CASS4: variants seen among roughly 807,000 people sequenced by gnomAD.
The protein encoded by CASS4 is cas scaffolding protein family member 4.
A neutral mutation model predicts 54.2 loss-of-function variants in CASS4; 22 were observed. The observed-to-expected ratio is 0.41, with a 90% CI of 0.29 to 0.58. CASS4 has a LOEUF of 0.58. Ranked by LOEUF, CASS4 falls within the 20% of genes least tolerant of loss-of-function variation. The probability of loss-of-function intolerance (pLI) is 0.36; values close to 1 mark genes in which losing one functional copy is unlikely to be tolerated. For synonymous variants in CASS4, 409 were observed against 391.5 expected (o/e 1.04, Z -0.53); for missense variants, 854 against 986.7 (o/e 0.87, Z 1.80).
chr20:56,445,643 C>T (rs2146289124), intron 2 of CASS4, among the ~76,000 whole-genome samples: 1 of 152,284 alleles, frequency 6.6e-6, no homozygotes, highest in Non-Finnish European at 1.5e-5. Flanking sequence ...TCATGTTAAC[C>T]TGCTTCAGGT....
chr20:56,424,371 A>G lies in CASS4; in HGVS notation c.36+11877A>G, dbSNP rs189899388. On this transcript the variant is annotated intron_variant, in intron 1 of 5. Transcript: ENST00000679887. The stretch of plus-strand genomic sequence containing the variant: ...CTATTTTAAGTGACAATTCCTCATA[A>G]CTTAAGGAATTTTACTTTTAAATGT... Among the ~76,000 whole-genome samples the G allele has an allele frequency of 1.7e-4, 26 of 152,292 alleles. No individual in the cohort carries two copies. In the East Asian group the frequency reaches 4.6e-3, roughly 27 times the overall value.
rs1221155235 is a variant in CASS4 at position 56,452,999 on chromosome 20, G to A, written c.1823G>A (p.Cys608Tyr). 6 of 1,613,924 alleles carry A rather than the reference G, an allele frequency of 3.7e-6. No homozygotes were observed. Among genetic ancestry groups the A allele is most frequent in the Non-Finnish European group, 5.1e-6 (6 of 1,180,018 alleles). ...VQLTPNAEFK[C>Y]EKYIQPPQRE... ...TTGACCCCAAATGCAGAATTTAAGT[G>A]TGAAAAATACATCCAGCCTCCCCAA... The change falls in exon 5 of 6, where the codon TGT (cysteine) becomes TAT (tyrosine). Residue 608 changes from cysteine (C) to tyrosine (Y), a missense_variant. Physicochemically the swap from Cys to Tyr is radical, Grantham distance 194 (BLOSUM62 -2). Coordinates refer to ENST00000679887, the MANE Select transcript of CASS4 (RefSeq NM_020356.4).
intron 5 of CASS4, 117 bp from the exon 6 acceptor site, chr20:56,458,223 A>G: frequency 2.0e-6 from 2 of 1,021,736 alleles, no homozygotes; most frequent in Non-Finnish European, 2.8e-6. Flanking sequence ...CCCAAACCAA[A>G]CCATGCTTTT....
chr20:56,454,302 T>C (rs567280297), intron 5 of CASS4, among the ~76,000 whole-genome samples: 11 of 152,368 alleles, frequency 7.2e-5, no homozygotes, highest in African/African-American at 2.4e-4. Context: ...CAGAAGTCAC[T>C]TGGGGGCTGT....
At chr20:56,450,826 G>A in intron 4 of CASS4, 147 bp downstream of exon 4, 1 of 658,676 alleles carries the variant, frequency 1.5e-6, no homozygotes, top group South Asian at 1.7e-5. Context: ...CTGAGGTTGG[G>A]AGTTCAAGAC....
intron 1 of CASS4, among the ~76,000 whole-genome samples, chr20:56,423,017 C>G (rs973535440): frequency 6.6e-6 from 1 of 152,174 alleles, no homozygotes. Context: ...CCAGCCCATC[C>G]TTCCCCATGG....
chr20:56,452,320 T>C lies in CASS4; in HGVS notation c.1144T>C (p.Ser382Pro), dbSNP rs372419278. 2.5e-6 allele frequency: 4 copies of C among 1,613,888 alleles called. No homozygotes were observed. The highest frequency in any genetic ancestry group is 3.4e-6 in the Non-Finnish European group (4 of 1,180,018). The change falls in exon 5 of 6, where the codon TCA becomes CCA. Residue 382 changes from serine to proline, a missense_variant. By Grantham distance (74) the Ser-to-Pro change is moderately conservative. Coordinates refer to ENST00000679887, the MANE Select transcript of CASS4 (RefSeq NM_020356.4). Reference protein sequence around the residue: ...VSENSAGHNSSWFSRRTTSPS... With the variant: ...VSENSAGHNSPWFSRRTTSPS... ...AGAGAATTCCGCGGGCCATAATTCC[T>C]CATGGTTCTCCAGACGGACAACTTC...
Position 56,437,372 on chromosome 20 carries a change from C to A in CASS4, c.245C>A (p.Pro82Gln), listed in dbSNP as rs749520065. ...TEVAADRPCP[P>Q]FLRGLEEAPA... Reference sequence around the variant, plus strand: ...GTCGCTGCAGACAGGCCGTGCCCCCCATTCCTGAGAGGCCTGGAAGAAGCT... The same window carrying A: ...GTCGCTGCAGACAGGCCGTGCCCCCAATTCCTGAGAGGCCTGGAAGAAGCT... Residue 82 changes from proline to glutamine, a missense_variant, in exon 2 of 6, where the codon CCA becomes CAA. Coordinates refer to ENST00000679887, the MANE Select transcript of CASS4 (RefSeq NM_020356.4). The surrounding 1 kb of genome is among the most constrained non-coding windows in gnomAD (Gnocchi z 4.7). The A allele has an allele frequency of 2.5e-6, 4 of 1,614,118 alleles. No individual in the cohort carries two copies. Among genetic ancestry groups the A allele is most frequent in the African/African-American group, 2.7e-5 (2 of 75,058 alleles).
chr20:56,445,110 CAA>C (rs112103060), intron 2 of CASS4, among the ~76,000 whole-genome samples: 4 of 141,168 alleles, frequency 2.8e-5, no homozygotes, highest in African/African-American at 7.7e-5. Context: ...AGATCCATCT[CAA>C]AAAAAAAAAA....
chr20:56,449,385 C>T (rs1018591240), intron 3 of CASS4, among the ~76,000 whole-genome samples: 4 of 151,984 alleles, frequency 2.6e-5, no homozygotes. Context: ...CGCATGTTCT[C>T]ACTCACAGGT....
At chr20:56,458,235 T>TAA in intron 5 of CASS4, 105 bp from the exon 6 acceptor site, 1 of 1,158,514 alleles carries the variant, frequency 8.6e-7, no homozygotes. Context: ...CATGCTTTTT[T>TAA]AAAAAAAATA....
intron 1 of CASS4, among the ~76,000 whole-genome samples, chr20:56,421,869 A>T (rs1028660021): frequency 1.3e-5 from 2 of 152,210 alleles, no homozygotes; most frequent in Admixed American, 1.3e-4. Flanking sequence ...AAGGAAAGGA[A>T]GTTAGAGAGA....
At chr20:56,431,034 A>G (rs1036581991) in intron 1 of CASS4, among the ~76,000 whole-genome samples, 1 of 152,226 alleles carries the variant, frequency 6.6e-6, no homozygotes, top group African/African-American at 2.4e-5. Context: ...TTTTATGTGT[A>G]TAAAATAAAA....
intron 2 of CASS4, among the ~76,000 whole-genome samples, chr20:56,441,150 G>A (rs1039705098): frequency 2.7e-5 from 4 of 149,154 alleles, no homozygotes; most frequent in African/African-American, 7.6e-5. Context: ...CACCACGCCT[G>A]GCTAAATTTT....
chr20:56,453,585 AC>A (rs1193576631), intron 5 of CASS4: 1 of 155,702 alleles, frequency 6.4e-6, no homozygotes, highest in Non-Finnish European at 1.4e-5. Flanking sequence ...GACTTCAGCT[AC>A]TCTTAGAAAT....
intron 1 of CASS4, among the ~76,000 whole-genome samples, chr20:56,413,906 A>T (rs2146258818): frequency 6.6e-6 from 1 of 152,176 alleles, no homozygotes; most frequent in South Asian, 2.1e-4. Context: ...GTACTTTGTC[A>T]TATTTGTGTG....
rs1488696276 is a variant in CASS4 at position 56,459,047 on chromosome 20, G to A, written c.*300G>A. 1.4e-5 allele frequency: 4 copies of A among 292,602 alleles called. No homozygotes were observed. Among genetic ancestry groups the A allele is most frequent in the Non-Finnish European group, 2.6e-5 (4 of 156,194 alleles). The allele number at this position is 292,602 out of a possible 1,614,324, so 18.1% of individuals were successfully genotyped here. On this transcript the variant is annotated 3_prime_UTR_variant, in exon 6 of 6. Coordinates refer to ENST00000679887, the MANE Select transcript of CASS4 (RefSeq NM_020356.4). Reference sequence around the variant, plus strand: ...ATAATATTTTATATTGATTAAATGTGTGCATGTTTTGTTTGTTTTTTGAGA... The same window carrying A: ...ATAATATTTTATATTGATTAAATGTATGCATGTTTTGTTTGTTTTTTGAGA...
chr20:56,446,752 C>G (rs1271464718), intron 3 of CASS4, among the ~76,000 whole-genome samples: 1 of 152,048 alleles, frequency 6.6e-6, no homozygotes, highest in East Asian at 1.9e-4. Flanking sequence ...TGCCTGTGCC[C>G]CAACCCCAGA....
In CASS4 at chr20:56,438,283, G is replaced by A. The variant is rs976924749; in HGVS notation, c.459+697G>A. On this transcript the variant is annotated intron_variant, in intron 2 of 5. Transcript: ENST00000679887. ...CCAGCCTCGGTGGCAGTGAGAACCT[G>A]TTTTCAAAAAAAAAAAAAAGTATAT... 1.7e-3 allele frequency among the ~76,000 whole-genome samples: 22 copies of A among 13,054 alleles called. No individual in the cohort carries two copies. The Admixed American group carries it at 0.022, about 13-fold the overall frequency. 8.6% of individuals were successfully genotyped at this position (13,054 alleles called of 152,430 possible).
Sources: gnomAD v4.1 joint callset for allele counts (sites outside exome capture counted in the v4.1 genomes callset) on GRCh38, gnomAD v4.1.1 for gene constraint, Gnocchi (gnomAD v3.1) non-coding constraint, MANE v1.5 for transcripts, NCBI Gene and HGNC (gene_info 2026-07-23, HGNC 2026-07-21) for gene names.